ZFR2: variants seen among roughly 807,000 people sequenced by gnomAD.
ZFR2 encodes zinc finger RNA binding protein 2, also known as zinc finger RNA-binding protein 2.
Under a neutral mutation model 105.7 loss-of-function variants are expected in ZFR2, and 104 were observed. The ratio of observed to expected loss-of-function variants is 0.98; its 90% confidence interval spans 0.84 to 1.16. ZFR2 has a LOEUF of 1.16. ZFR2 is among the 50% of genes most tolerant of loss of function. The pLI is 0.00. For missense variants in ZFR2, 1,425 were observed against 1,355.5 expected (o/e 1.05, Z -0.80); for synonymous variants, 634 against 597.7 (o/e 1.06, Z -0.89).
chr19:3,835,069 C>T, intron 1 of ZFR2, 86 bp from the exon 2 acceptor site: 2 of 1,458,266 alleles, frequency 1.4e-6, no homozygotes, highest in Non-Finnish European at 1.9e-6. Flanking sequence ...TTCCAGCCAC[C>T]ACTGGACCTG....
chr19:3,868,657 C>T (rs2038462805), intron 1 of ZFR2, among the ~76,000 whole-genome samples: 1 of 151,908 alleles, frequency 6.6e-6, no homozygotes. Context: ...CCCCCGACCC[C>T]GCACAGGCCC....
intron 1 of ZFR2, among the ~76,000 whole-genome samples, chr19:3,864,808 T>C (rs931851318): frequency 6.6e-6 from 1 of 152,172 alleles, no homozygotes; most frequent in Admixed American, 6.5e-5. Flanking sequence ...AGTGCAGTGG[T>C]GCCATCTCAG....
rs1433961138 is a variant in ZFR2 at position 3,834,596 on chromosome 19, C to A, written c.264+177G>T. On this transcript the variant is annotated intron_variant, in intron 2 of 18. Transcript: ENST00000262961. This position sits in a 1 kb window ranked among gnomAD's most constrained non-coding sequence, Gnocchi z 5.3. ...CGAGAGCAGTGGATTCTTTCGGAAG[C>A]GACTCTGCCCTGATTTCTCCCCACC... Among the ~76,000 whole-genome samples the A allele has an allele frequency of 6.6e-6, 1 of 152,168 alleles. No homozygotes were observed. Among genetic ancestry groups the A allele is most frequent in the African/African-American group, 2.4e-5 (1 of 41,448 alleles).
intron 3 of ZFR2, chr19:3,833,420 C>CA (rs2038041257): frequency 8.2e-6 from 3 of 367,176 alleles, no homozygotes; most frequent in Non-Finnish European, 1.5e-5. Flanking sequence ...ACTAAAAATA[C>CA]AAAAAATTAG....
At position 3,834,971 on chromosome 19, in the gene ZFR2, C is replaced by G; in HGVS notation, c.66G>C (p.Pro22=). 6.2e-7 allele frequency: 1 copy of G among 1,610,132 alleles called. No individual in the cohort carries two copies. The highest frequency in any genetic ancestry group is 8.5e-7 in the Non-Finnish European group (1 of 1,178,786). ...CCCCCACAGTGGGCAGGGGAAGGGTCGGAGGCTGGGCGCTAGAACCACAAA... is the reference window on the plus strand; with the variant it reads ...CCCCCACAGTGGGCAGGGGAAGGGTGGGAGGCTGGGCGCTAGAACCACAAA... The part of the protein sequence containing the change: ...GGGPQYSAQP[P]TLPLPTVGAS... Residue 22 remains proline, a synonymous_variant, in exon 2 of 19, where the codon CCG becomes CCC. Coordinates refer to ENST00000262961, the MANE Select transcript of ZFR2 (RefSeq NM_015174.2). This position sits in a 1 kb window ranked among gnomAD's most constrained non-coding sequence, Gnocchi z 5.3.
At chr19:3,815,005 C>G (rs1312516911) in intron 13 of ZFR2, among the ~76,000 whole-genome samples, 1 of 150,964 alleles carries the variant, frequency 6.6e-6, no homozygotes, top group Non-Finnish European at 1.5e-5. Context: ...CTGGAAAAGT[C>G]AAAGGAGTAA....
rs970368808 is a variant in ZFR2 at position 3,834,615 on chromosome 19, C to G, written c.264+158G>C. On this transcript the variant is annotated intron_variant, in intron 2 of 18. Coordinates refer to ENST00000262961, the MANE Select transcript of ZFR2 (RefSeq NM_015174.2). The surrounding 1 kb of genome is among the most constrained non-coding windows in gnomAD (Gnocchi z 5.3). ...CGGAAGCGACTCTGCCCTGATTTCT[C>G]CCCACCACGGGTACGCAATGCCAGC... 3.3e-5 allele frequency among the ~76,000 whole-genome samples: 5 copies of G among 152,170 alleles called. No homozygotes were observed. Among genetic ancestry groups the G allele is most frequent in the African/African-American group, 7.2e-5 (3 of 41,448 alleles).
At chr19:3,833,847 C>G in intron 2 of ZFR2, 69 bp from the exon 3 acceptor site, 1 of 1,207,686 alleles carries the variant, frequency 8.3e-7, no homozygotes, top group Non-Finnish European at 1.2e-6. Context: ...GGGTGCGACG[C>G]GCCCTGCCAC....
intron 1 of ZFR2, among the ~76,000 whole-genome samples, chr19:3,852,955 G>A (rs2038257424): frequency 1.3e-5 from 2 of 152,222 alleles, no homozygotes; most frequent in African/African-American, 4.8e-5. Context: ...TGACTTCACT[G>A]CAGAGAATAA....
intron 16 of ZFR2, among the ~76,000 whole-genome samples, chr19:3,809,236 G>A (rs185764803): frequency 1.9e-3 from 289 of 152,242 alleles, no homozygotes; most frequent in Middle Eastern, 6.8e-3. Flanking sequence ...GCAGTGGCAC[G>A]ATCTCAGCTC....
intron 1 of ZFR2, among the ~76,000 whole-genome samples, chr19:3,843,898 C>T (rs117492693): frequency 0.021 from 3,248 of 151,410 alleles, 56 homozygotes; most frequent in Non-Finnish European, 0.033. Flanking sequence ...GTGGATGAAC[C>T]GTGAGGACAT....
At chr19:3,819,909 T>C (rs1371222896) in intron 11 of ZFR2, among the ~76,000 whole-genome samples, 1 of 151,428 alleles carries the variant, frequency 6.6e-6, no homozygotes, top group Non-Finnish European at 1.5e-5. Context: ...CAGGTGCTTC[T>C]GAGAAGAGAC....
chr19:3,831,582 C>CG, intron 4 of ZFR2, 26 bp from the exon 5 acceptor site: 3 of 1,544,310 alleles, frequency 1.9e-6, no homozygotes. Flanking sequence ...AACAATGAGT[C>CG]GGGGGGAGAT....
chr19:3,850,324 G>A (rs1030597334), intron 1 of ZFR2, among the ~76,000 whole-genome samples: 3 of 152,126 alleles, frequency 2.0e-5, no homozygotes, highest in Non-Finnish European at 4.4e-5. Context: ...GAGGGACAGA[G>A]GTTATCAGGG....
intron 1 of ZFR2, among the ~76,000 whole-genome samples, chr19:3,844,453 C>T (rs528467209): frequency 3.3e-5 from 5 of 152,052 alleles, no homozygotes; most frequent in African/African-American, 1.2e-4. Context: ...CTGCAACCTC[C>T]ACCTCCTGGG....
chr19:3,816,740 G>C lies in ZFR2; in HGVS notation c.2037C>G (p.Leu679=), dbSNP rs1192966745. 2 of 1,612,644 alleles carry C rather than the reference G, an allele frequency of 1.2e-6. No individual in the cohort carries two copies. The highest frequency in any genetic ancestry group is 8.5e-7 in the Non-Finnish European group (1 of 1,179,790). Residue 679 remains leucine (L), a synonymous_variant, in exon 13 of 19, where the codon CTC becomes CTG. Transcript: ENST00000262961. ...RGDRNVRLAL[L]CSEKPTHSLL... is the part of the protein sequence containing the mutation. ...GGCTGTGCGTGGGCTTCTCGGAGCAGAGCAGAGCGAGGCGCACGTTCCTGT... is the reference window on the plus strand; with the variant it reads ...GGCTGTGCGTGGGCTTCTCGGAGCACAGCAGAGCGAGGCGCACGTTCCTGT...
Position 3,831,728 on chromosome 19 carries a change from T to A in ZFR2, c.530A>T (p.Glu177Val). Residue 177 changes from glutamate (E) to valine (V), a missense_variant, in exon 4 of 19, where the codon GAG (glutamate) becomes GTG (valine). Transcript: ENST00000262961. ...GGAGGTCACGATGGAAGCTGACGAC[T>A]CGGGCTGGACGCCTGTCGCCGTGGG... ...TYPTATGVQP[E>V]SSASIVTSYP... The A allele has an allele frequency of 6.2e-7, 1 of 1,601,892 alleles. No individual in the cohort carries two copies. The highest frequency in any genetic ancestry group is 8.5e-7 in the Non-Finnish European group (1 of 1,174,012).
At chr19:3,844,036 G>T (rs1199456374) in intron 1 of ZFR2, among the ~76,000 whole-genome samples, 3 of 147,848 alleles carry the variant, frequency 2.0e-5, no homozygotes, top group African/African-American at 7.4e-5. Context: ...GCCAGGGACC[G>T]GGGAGGGGAA....
intron 6 of ZFR2, among the ~76,000 whole-genome samples, chr19:3,826,979 C>T (rs901944502): frequency 6.6e-6 from 1 of 152,094 alleles, no homozygotes; most frequent in Non-Finnish European, 1.5e-5. Context: ...CGGTGGCTCA[C>T]GCCTGTAATC....
Sources: gnomAD v4.1 joint callset for allele counts (sites outside exome capture counted in the v4.1 genomes callset) on GRCh38, gnomAD v4.1.1 for gene constraint, Gnocchi (gnomAD v3.1) non-coding constraint, MANE v1.5 for transcripts, NCBI Gene and HGNC (gene_info 2026-07-23, HGNC 2026-07-21) for gene names.